The following MECOM variants were observed in gnomAD, a reference collection of about 807,000 sequenced individuals.
MECOM encodes MDS1 and EVI1 complex locus, also known as histone-lysine N-methyltransferase MECOM.
In MECOM, 13 loss-of-function variants were observed where a neutral mutation model predicts 116.3. The observed-to-expected ratio is 0.11, with a 90% confidence interval of 0.07 to 0.18. The LOEUF (loss-of-function observed/expected upper bound fraction) is 0.18, where lower values mean the gene tolerates loss of function less well. Ranked by LOEUF, MECOM falls within the 10% of genes least tolerant of loss-of-function variation. The pLI, the probability that MECOM is intolerant of heterozygous loss-of-function variation, is 1.00. For missense variants in MECOM, 1,299 were observed against 1,509.0 expected, an observed-to-expected ratio of 0.86 and a Z score of 2.31; for synonymous variants, 528 against 535.2, an observed-to-expected ratio of 0.99 and a Z score of 0.19.
intron 2 of MECOM, chr3:169,147,437 G>T: frequency 1.0e-6 from 1 of 985,460 alleles, no homozygotes; most frequent in Non-Finnish European, 1.2e-6. Flanking sequence ...GGGCGAGGGA[G>T]AAAGGGAGCT....
intron 1 of MECOM, among the ~76,000 whole-genome samples, chr3:169,556,886 C>G (rs1447060938): frequency 6.6e-6 from 1 of 152,004 alleles, no homozygotes; most frequent in Non-Finnish European, 1.5e-5. Context: ...TATGCCAGCT[C>G]CCAGATTCCT....
intron 1 of MECOM, among the ~76,000 whole-genome samples, chr3:169,495,084 C>T (rs62295973): frequency 0.44 from 66,549 of 151,992 alleles, 16,138 homozygotes; most frequent in South Asian, 0.67. Flanking sequence ...ATTAAGTCAC[C>T]TCTAAACCTT....
At chr3:169,148,808 G>C (rs764123476) in intron 2 of MECOM, among the ~76,000 whole-genome samples, 12 of 152,094 alleles carry the variant, frequency 7.9e-5, no homozygotes, top group Non-Finnish European at 1.5e-4. Flanking sequence ...AAAAGGGAGG[G>C]ATTGGGGGAG....
intron 3 of MECOM, among the ~76,000 whole-genome samples, chr3:169,136,563 A>G (rs1736435498): frequency 6.6e-6 from 1 of 152,032 alleles, no homozygotes; most frequent in African/African-American, 2.4e-5. Flanking sequence ...GAAAGTTAAT[A>G]TGCCATAAAA....
intron 1 of MECOM, among the ~76,000 whole-genome samples, chr3:169,444,481 C>G (rs867401045): frequency 2.0e-4 from 31 of 152,094 alleles, no homozygotes; most frequent in African/African-American, 7.5e-4. Context: ...CAGGGGTTTC[C>G]GTTTTTGCCT....
chr3:169,115,118 A>G (rs1728729856), intron 8 of MECOM, among the ~76,000 whole-genome samples: 1 of 151,602 alleles, frequency 6.6e-6, no homozygotes, highest in South Asian at 2.1e-4. Flanking sequence ...TTCCACTCCA[A>G]AAAAAGTGTT....
intron 2 of MECOM, among the ~76,000 whole-genome samples, chr3:169,330,759 A>G (rs1217337363): frequency 1.3e-5 from 2 of 152,118 alleles, no homozygotes; most frequent in Non-Finnish European, 2.9e-5. Context: ...AAGAAATTTC[A>G]TATTACCAAA....
intron 4 of MECOM, among the ~76,000 whole-genome samples, chr3:169,129,419 T>TC (rs11441207): frequency 0.95 from 143,913 of 151,556 alleles, 68,411 homozygotes; most frequent in East Asian, 0.99. Flanking sequence ...AGAAGAATTT[T>TC]CCCAGTTTCA....
chr3:169,309,158 C>T (rs1213593076), intron 2 of MECOM, among the ~76,000 whole-genome samples: 3 of 151,824 alleles, frequency 2.0e-5, no homozygotes, highest in Non-Finnish European at 4.4e-5. Context: ...CATGCAAGAT[C>T]TAAAAGAAAA....
rs569006677 is a variant in MECOM at position 169,572,841 on chromosome 3, T to C, written c.37+90495A>G. 1.9e-3 allele frequency among the ~76,000 whole-genome samples: 291 copies of C among 151,658 alleles called. 3 individuals carry two copies. The highest frequency in any genetic ancestry group is 6.7e-3 in the African/African-American group (277 of 41,284). On this transcript the variant is annotated intron_variant, in intron 1 of 16. Transcript: ENST00000651503. Reference sequence around the variant, plus strand: ...CGGGGCCTGTTGGGGGTTGGGGGACTAGGGGAGGGATAGCATTGGGAGAAA... The same window carrying C: ...CGGGGCCTGTTGGGGGTTGGGGGACCAGGGGAGGGATAGCATTGGGAGAAA...
intron 1 of MECOM, among the ~76,000 whole-genome samples, chr3:169,479,875 C>A (rs1051715117): frequency 6.6e-6 from 1 of 152,162 alleles, no homozygotes; most frequent in Non-Finnish European, 1.5e-5. Context: ...CCTTTAAAAT[C>A]TCTTATTTTA....
chr3:169,475,710 A>G (rs1224781436), intron 1 of MECOM, among the ~76,000 whole-genome samples: 1 of 152,054 alleles, frequency 6.6e-6, no homozygotes. Context: ...AATCCTTTCC[A>G]TAGTCTTTGT....
intron 2 of MECOM, among the ~76,000 whole-genome samples, chr3:169,347,608 T>G (rs943775994): frequency 2.0e-5 from 3 of 152,174 alleles, no homozygotes; most frequent in African/African-American, 7.2e-5. Flanking sequence ...TAGAATTAAC[T>G]GAAAGATATC....
intron 1 of MECOM, among the ~76,000 whole-genome samples, chr3:169,544,780 A>T (rs1165090419): frequency 6.6e-6 from 1 of 152,202 alleles, no homozygotes; most frequent in Admixed American, 6.5e-5. Context: ...ACAGAAAACC[A>T]AACACCACAT....
intron 1 of MECOM, among the ~76,000 whole-genome samples, chr3:169,662,547 A>G (rs1056024599): frequency 3.3e-5 from 5 of 151,716 alleles, no homozygotes; most frequent in Non-Finnish European, 5.9e-5. Context: ...GGCTGTGCGG[A>G]GCCGGTAGCT....
intron 2 of MECOM, among the ~76,000 whole-genome samples, chr3:169,212,636 GTATATA>G (rs61115570): frequency 0.011 from 291 of 25,902 alleles, no homozygotes; most frequent in South Asian, 0.013. Flanking sequence ...AGTCAGCAAT[GTATATA>G]TATATATATA....
chr3:169,296,115 T>C (rs558486145), intron 2 of MECOM, among the ~76,000 whole-genome samples: 1 of 152,206 alleles, frequency 6.6e-6, no homozygotes, highest in African/African-American at 2.4e-5. Context: ...AGCCTCACCA[T>C]TCTCAAGTCA....
chr3:169,265,442 T>G (rs1405419350), intron 2 of MECOM, among the ~76,000 whole-genome samples: 2 of 152,232 alleles, frequency 1.3e-5, no homozygotes, highest in Non-Finnish European at 2.9e-5. Context: ...AAGTATGTAC[T>G]GCGATTATTG....
intron 12 of MECOM, 56 bp downstream of exon 12, chr3:169,100,829 T>C (rs1009325897): frequency 2.9e-6 from 3 of 1,026,612 alleles, no homozygotes; most frequent in Middle Eastern, 2.7e-4. Flanking sequence ...ATTATTAAAA[T>C]AAACTTTAAT....
Sources: allele counts gnomAD v4.1 joint callset (sites outside exome capture counted in the v4.1 genomes callset), GRCh38; gene constraint gnomAD v4.1.1; transcripts MANE v1.5; gene names NCBI Gene and HGNC (gene_info 2026-07-23, HGNC 2026-07-21).